The following ASMTL variants were observed in gnomAD, a reference collection of about 807,000 sequenced individuals.
ASMTL encodes probable bifunctional dTTP/UTP pyrophosphatase/methyltransferase protein.
In ASMTL, 57 loss-of-function variants were observed where a neutral mutation model predicts 60.3. That is an observed-to-expected ratio of 0.95 (90% CI 0.76 to 1.18). The LOEUF (loss-of-function observed/expected upper bound fraction) is 1.18, where lower values mean the gene tolerates loss of function less well. ASMTL is among the 50% of genes most tolerant of loss of function. The probability of loss-of-function intolerance (pLI) is 0.00; values close to 1 mark genes in which losing one functional copy is unlikely to be tolerated. For synonymous variants in ASMTL, 419 were observed against 373.0 expected (o/e 1.12, Z -1.42); for missense variants, 981 against 852.6 (o/e 1.15, Z -1.88).
Position 1,442,187 on chromosome X carries a change from T to G in ASMTL, c.224A>C (p.Gln75Pro). 2.5e-6 allele frequency: 4 copies of G among 1,613,606 alleles called. No individual in the cohort carries two copies. The highest frequency in any genetic ancestry group is 3.4e-6 in the Non-Finnish European group (4 of 1,179,818). Reference protein sequence around the residue: ...KALEVANRLYQKDLRAPDVVI... With the variant: ...KALEVANRLYPKDLRAPDVVI... ...GGCCGAAGGGCAGGGGCCCCTTGCC[T>G]GGTACAGCCGGTTGGCCACCTCCAG... The change falls in exon 2 of 13, where the codon CAG becomes CCG. Residue 75 changes from glutamine (Q) to proline (P), a missense_variant and splice_region_variant. By Grantham distance (76) the Gln-to-Pro change is moderately conservative (BLOSUM62 -1). Transcript: ENST00000381317.
Position 1,416,735 on chromosome X carries a change from ACACAGT to A in ASMTL, c.1522+1232_1522+1237del, listed in dbSNP as rs760554715. Among the ~76,000 whole-genome samples, 46 of 15,782 alleles carry A rather than the reference ACACAGT, an allele frequency of 2.9e-3. No homozygotes were observed. The East Asian group carries it at 0.46, about 159-fold the overall frequency. 10.4% of individuals were successfully genotyped at this position (15,782 alleles called of 152,430 possible). ...GCACGCACACACAAGGACATACCAC[ACACAGT>A]CAGTCATGCACACACAGACACATGC... On this transcript the variant is annotated intron_variant, in intron 11 of 12. Coordinates refer to ENST00000381317, the MANE Select transcript of ASMTL (RefSeq NM_004192.4).
At chrX:1,429,837 G>A (rs777439908) in intron 6 of ASMTL, among the ~76,000 whole-genome samples, 10 of 151,822 alleles carry the variant, frequency 6.6e-5, no homozygotes, top group African/African-American at 9.7e-5. Flanking sequence ...TTTGATATAT[G>A]TATACATGTG....
intron 10 of ASMTL, 196 bp from the exon 11 acceptor site, chrX:1,418,312 C>A (rs1364044484): frequency 3.0e-5 from 6 of 199,832 alleles, no homozygotes; most frequent in Non-Finnish European, 5.4e-5. Flanking sequence ...GGGCACAGAC[C>A]TGCAGGGAAA....
chrX:1,406,836 GATGA>G lies in ASMTL; in HGVS notation c.1646-3351_1646-3348del, dbSNP rs1341262995. 3.3e-5 allele frequency among the ~76,000 whole-genome samples: 5 copies of G among 151,906 alleles called. No individual in the cohort carries two copies. In the East Asian group the frequency reaches 5.8e-4, roughly 18 times the overall value. On this transcript the variant is annotated intron_variant, in intron 12 of 12. Transcript: ENST00000381317. ...ATAGATAATAGATGATGGGTAGGTA[GATGA>G]ATGGATGGATAGATGGGTGCATGGA...
chrX:1,425,612 C>T lies in ASMTL; in HGVS notation c.973G>A (p.Ala325Thr), dbSNP rs764779992. The change falls in exon 8 of 13, where the codon GCC (alanine) becomes ACC (threonine). Residue 325 changes from alanine (A) to threonine (T), a missense_variant. Physicochemically the swap from Ala to Thr is moderately conservative, Grantham distance 58. Coordinates refer to ENST00000381317, the MANE Select transcript of ASMTL (RefSeq NM_004192.4). Reference sequence around the variant, plus strand: ...CACGCAGAGGCGTCCACTTTGCTGGCAATATCCGCAGCCTTCTGGGGTGCT... The same window carrying T: ...CACGCAGAGGCGTCCACTTTGCTGGTAATATCCGCAGCCTTCTGGGGTGCT... The part of the protein sequence containing the change: ...DEAPQKAADI[A>T]SKVDASACGM... 5 of 1,613,682 alleles carry T rather than the reference C, an allele frequency of 3.1e-6. No individual in the cohort carries two copies. The African/African-American group carries it at 5.3e-5, about 17-fold the overall frequency.
rs779905979 is a variant in ASMTL, at chrX:1,425,547, C to G, written c.1038G>C (p.Gly346=). The stretch of plus-strand genomic sequence containing the variant: ...CACCTTGCTCTGTCTTCTCCAGGAG[C>G]CCCATGGCAGCACAGATGTCCAGAA... ...ERLLDICAAM[G]LLEKTEQGYS... Residue 346 remains glycine (G), a synonymous_variant, in exon 8 of 13, where the codon GGG becomes GGC. Coordinates refer to ENST00000381317, the MANE Select transcript of ASMTL (RefSeq NM_004192.4). 4 of 1,613,158 alleles carry G rather than the reference C, an allele frequency of 2.5e-6. No homozygotes were observed. The highest frequency in any genetic ancestry group is 3.4e-6 in the Non-Finnish European group (4 of 1,179,750).
upstream of ASMTL, chrX:1,453,059 C>G: frequency 1.9e-6 from 1 of 522,184 alleles, no homozygotes; most frequent in Non-Finnish European, 3.2e-6. Context: ...AGGCCTCGCC[C>G]AGGCCACACC....
At chrX:1,419,201 CAGGGCTCCAGAGCGTG>C (rs1174277993) in intron 9 of ASMTL, 87 bp from the exon 10 acceptor site, 24 of 1,509,632 alleles carry the variant, frequency 1.6e-5, no homozygotes, top group Non-Finnish European at 2.0e-5. Context: ...GGGAGAAGTG[CAGGGCTCCAGAGCGTG>C]GGGGCTCAGC....
At chrX:1,407,691 C>T (rs1226656264) in intron 12 of ASMTL, among the ~76,000 whole-genome samples, 1 of 151,600 alleles carries the variant, frequency 6.6e-6, no homozygotes, top group East Asian at 1.9e-4. Flanking sequence ...TGAAACCAAC[C>T]TGAGCAACAT....
chrX:1,412,701 A>G, intron 12 of ASMTL, 31 bp downstream of exon 12: 1 of 1,613,776 alleles, frequency 6.2e-7, no homozygotes, highest in South Asian at 1.1e-5. Flanking sequence ...ACGTCTTAAC[A>G]AAAACAGCTA....
intron 12 of ASMTL, among the ~76,000 whole-genome samples, chrX:1,407,870 CAG>C (rs1352674099): frequency 6.6e-6 from 1 of 151,578 alleles, no homozygotes; most frequent in South Asian, 2.1e-4. Flanking sequence ...TAAAAAGACA[CAG>C]AGAGGAGGAG....
At chrX:1,419,529 T>A (rs1212011922) in intron 9 of ASMTL, among the ~76,000 whole-genome samples, 2 of 152,022 alleles carry the variant, frequency 1.3e-5, no homozygotes, top group Non-Finnish European at 2.9e-5. Context: ...TGGTGCGGTG[T>A]GCAGAGGGGG....
chrX:1,451,614 G>A (rs1482325750), intron 1 of ASMTL, among the ~76,000 whole-genome samples: 4 of 143,622 alleles, frequency 2.8e-5, no homozygotes, highest in African/African-American at 1.1e-4. Context: ...TAGGGGTTTC[G>A]GGTCACTCTC....
chrX:1,421,553 T>TCAGACTGGAGA, intron 9 of ASMTL, 105 bp downstream of exon 9: 1 of 1,273,458 alleles, frequency 7.9e-7, no homozygotes, highest in South Asian at 1.3e-5. Flanking sequence ...TTGGGATCTG[T>TCAGACTGGAGA]CAGACTGGAG....
At chrX:1,419,604 G>T (rs1358726142) in intron 9 of ASMTL, among the ~76,000 whole-genome samples, 76 of 152,100 alleles carry the variant, frequency 5.0e-4, no homozygotes, top group African/African-American at 1.7e-3. Context: ...CCCCCCAGTG[G>T]CACCTACCCC....
chrX:1,421,898 G>C, intron 8 of ASMTL, 56 bp from the exon 9 acceptor site: 1 of 1,495,922 alleles, frequency 6.7e-7, no homozygotes. Flanking sequence ...AAGGAAACCT[G>C]ACCGTAGGGG....
chrX:1,453,081 C>G (rs1217456285), upstream of ASMTL, among the ~76,000 whole-genome samples: 2 of 132,036 alleles, frequency 1.5e-5, no homozygotes, highest in East Asian at 3.9e-4. Flanking sequence ...CCATTGCCCT[C>G]TCCACCAGGC....
chrX:1,442,932 G>A (rs2091138065), intron 1 of ASMTL, among the ~76,000 whole-genome samples: 1 of 152,136 alleles, frequency 6.6e-6, no homozygotes, highest in African/African-American at 2.4e-5. Flanking sequence ...ACCCTGCCAG[G>A]GTGCAGGGAA....
intron 11 of ASMTL, among the ~76,000 whole-genome samples, chrX:1,417,700 G>C (rs1315351255): frequency 7.4e-5 from 11 of 149,360 alleles, no homozygotes; most frequent in South Asian, 2.1e-4. Flanking sequence ...CACCAGAGAC[G>C]TGCACACACA....
Sources: gnomAD v4.1 joint callset for allele counts (sites outside exome capture counted in the v4.1 genomes callset) on GRCh38, gnomAD v4.1.1 for gene constraint, MANE v1.5 for transcripts, NCBI Gene and HGNC (gene_info 2026-07-23, HGNC 2026-07-21) for gene names.